The following GLRA3 variants were observed in gnomAD, a reference collection of about 807,000 sequenced individuals.
GLRA3 encodes glycine receptor alpha 3.
A neutral mutation model predicts 60.4 loss-of-function variants in GLRA3; 44 were observed. The observed-to-expected ratio is 0.73, with a 90% CI of 0.57 to 0.94. The LOEUF is 0.94. GLRA3 is among the 40% of genes least tolerant of loss of function. The pLI is 0.00. For missense variants in GLRA3, 508 were observed against 564.6 expected, an observed-to-expected ratio of 0.90 and a Z score of 1.02; for synonymous variants, 223 against 192.9, an observed-to-expected ratio of 1.16 and a Z score of -1.29.
In GLRA3 at chr4:174,642,186, T is replaced by C. The variant is rs1459230334; in HGVS notation, c.*1600A>G. 2.3e-6 allele frequency: 2 copies of C among 853,050 alleles called. No homozygotes were observed. Among genetic ancestry groups the C allele is most frequent in the Non-Finnish European group, 2.8e-6 (2 of 709,256 alleles). 52.8% of individuals were successfully genotyped at this position (853,050 alleles called of 1,614,324 possible). ...AAATGTTATTTTAAAAAATTACAAT[T>C]GTATAAGCTGATGTACAATAACATT... is the stretch of plus-strand genomic sequence containing the variant. On this transcript the variant is annotated 3_prime_UTR_variant, in exon 10 of 10. Coordinates refer to ENST00000274093, the MANE Select transcript of GLRA3 (RefSeq NM_006529.4).
chr4:174,660,653 G>A (rs1733398941), intron 7 of GLRA3, among the ~76,000 whole-genome samples: 1 of 152,204 alleles, frequency 6.6e-6, no homozygotes, highest in East Asian at 1.9e-4. Context: ...TTTAACATTC[G>A]TTGATGATTT....
chr4:174,790,443 T>C (rs894659515), intron 1 of GLRA3, among the ~76,000 whole-genome samples: 1 of 152,162 alleles, frequency 6.6e-6, no homozygotes, highest in Non-Finnish European at 1.5e-5. Context: ...CATCTGGTTT[T>C]AAGTAACTTT....
At chr4:174,824,859 C>T (rs1740899353) in intron 1 of GLRA3, among the ~76,000 whole-genome samples, 1 of 152,108 alleles carries the variant, frequency 6.6e-6, no homozygotes, top group African/African-American at 2.4e-5. Flanking sequence ...GAAAAGGTGA[C>T]ATTTGTTCAA....
At position 174,788,939 on chromosome 4, in the gene GLRA3, C is replaced by T. The variant is rs375428370; in HGVS notation, c.76G>A (p.Val26Ile). The T allele has an allele frequency of 8.9e-6, 14 of 1,574,844 alleles. No individual in the cohort carries two copies. In the Admixed American group the frequency reaches 1.3e-4, roughly 15 times the overall value. ...FWEAALLLSL[V>I]ATKETDSARS... The stretch of plus-strand genomic sequence containing the variant: ...GCACTGTCTGTTTCCTTTGTGGCAA[C>T]CAAACTACAAATAAGAACAAAAATA... Residue 26 changes from valine (V) to isoleucine (I), a missense_variant, in exon 2 of 10, where the codon GTT (valine) becomes ATT (isoleucine). Around this residue, in one of 3 missense-constraint regions of GLRA3, gnomAD observed 329 missense variants for 349.3 expected, o/e 0.94. Coordinates refer to ENST00000274093, the MANE Select transcript of GLRA3 (RefSeq NM_006529.4).
rs140269294 is a variant in GLRA3 at position 174,708,811 on chromosome 4, CT to C, written c.574+6676del. On this transcript the variant is annotated intron_variant, in intron 5 of 9. Transcript: ENST00000274093. ...CCATGATTAAAAAAATCCTTCCTGG[CT>C]TTTTTTTTTCAACTAGCAAATTAAA... is the stretch of plus-strand genomic sequence containing the variant. Among the ~76,000 whole-genome samples the C allele has an allele frequency of 1.4e-3, 182 of 134,810 alleles. 1 individual carries two copies. The highest frequency in any genetic ancestry group is 4.5e-3 in the African/African-American group (165 of 36,698). The allele number at this position is 134,810 out of a possible 152,430, so 88.4% of individuals were successfully genotyped here.
intron 3 of GLRA3, among the ~76,000 whole-genome samples, chr4:174,751,698 G>A (rs929991171): frequency 4.6e-5 from 7 of 151,982 alleles, no homozygotes; most frequent in East Asian, 1.9e-4. Flanking sequence ...TATTACTCTT[G>A]GGCAAGTTTA....
intron 3 of GLRA3, among the ~76,000 whole-genome samples, chr4:174,764,079 G>C (rs1738044425): frequency 6.6e-6 from 1 of 152,110 alleles, no homozygotes; most frequent in Admixed American, 6.6e-5. Flanking sequence ...ATTGGGAAAG[G>C]AGTTTAACAG....
chr4:174,717,144 C>T (rs866070463), intron 4 of GLRA3, among the ~76,000 whole-genome samples: 5 of 145,354 alleles, frequency 3.4e-5, no homozygotes, highest in Middle Eastern at 3.6e-3. Flanking sequence ...CCCAGGAGGT[C>T]GAGACTGCAG....
intron 2 of GLRA3, among the ~76,000 whole-genome samples, chr4:174,782,269 C>T (rs373313202): frequency 6.6e-6 from 1 of 151,348 alleles, no homozygotes; most frequent in African/African-American, 2.4e-5. Context: ...ATTCAACAAC[C>T]CTTCATGCTA....
chr4:174,650,620 C>A (rs1416658750), intron 9 of GLRA3, among the ~76,000 whole-genome samples: 1 of 152,144 alleles, frequency 6.6e-6, no homozygotes, highest in South Asian at 2.1e-4. Flanking sequence ...AAATACCTAC[C>A]CCATCATGGG....
At chr4:174,820,694 G>A (rs954479426) in intron 1 of GLRA3, among the ~76,000 whole-genome samples, 3 of 152,144 alleles carry the variant, frequency 2.0e-5, no homozygotes, top group African/African-American at 7.2e-5. Context: ...CATTTGGGTA[G>A]TCATTTCACT....
chr4:174,788,782 AAC>A (rs1437792179), intron 2 of GLRA3, 32 bp downstream of exon 2: 2 of 1,473,842 alleles, frequency 1.4e-6, no homozygotes, highest in Non-Finnish European at 1.9e-6. Flanking sequence ...GTATATTTAA[AAC>A]ACACATATAA....
Position 174,642,677 on chromosome 4 carries a change from A to T in GLRA3, c.*1109T>A. 1.4e-6 allele frequency: 1 copy of T among 739,744 alleles called. No homozygotes were observed. The highest frequency in any genetic ancestry group is 1.6e-6 in the Non-Finnish European group (1 of 606,096). The allele number at this position is 739,744 out of a possible 1,614,324, so 45.8% of individuals were successfully genotyped here. A position where few individuals can be genotyped will look rare whatever the true frequency, so the allele number is the denominator to read the frequency against. Reference sequence around the variant, plus strand: ...TTTGAAATCATTAATTCAGAAATAGAAAAAGAGTCCTCACTTTATAGAAAT... The same window carrying T: ...TTTGAAATCATTAATTCAGAAATAGTAAAAGAGTCCTCACTTTATAGAAAT... On this transcript the variant is annotated 3_prime_UTR_variant, in exon 10 of 10. Coordinates refer to ENST00000274093, the MANE Select transcript of GLRA3 (RefSeq NM_006529.4).
At chr4:174,782,086 G>A (rs376013838) in intron 2 of GLRA3, among the ~76,000 whole-genome samples, 18 of 146,358 alleles carry the variant, frequency 1.2e-4, no homozygotes, top group South Asian at 1.1e-3. Flanking sequence ...CTGGCAAACC[G>A]AATCCAGCAG....
intron 7 of GLRA3, among the ~76,000 whole-genome samples, chr4:174,665,911 C>T (rs1413219555): frequency 6.6e-6 from 1 of 152,084 alleles, no homozygotes; most frequent in Non-Finnish European, 1.5e-5. Flanking sequence ...GCTCTTCATA[C>T]AGTAGTGTTC....
At chr4:174,672,287 T>C (rs540069675) in intron 7 of GLRA3, among the ~76,000 whole-genome samples, 11 of 152,250 alleles carry the variant, frequency 7.2e-5, no homozygotes, top group African/African-American at 2.6e-4. Flanking sequence ...TTTCTGAACA[T>C]TTACTGACAA....
At chr4:174,726,846 C>A (rs1052639529) in intron 4 of GLRA3, among the ~76,000 whole-genome samples, 2 of 129,730 alleles carry the variant, frequency 1.5e-5, no homozygotes, top group East Asian at 2.7e-4. Flanking sequence ...AGTGGTGGGG[C>A]GGGGTTGGGG....
At chr4:174,800,401 G>A (rs1739760178) in intron 1 of GLRA3, among the ~76,000 whole-genome samples, 1 of 152,012 alleles carries the variant, frequency 6.6e-6, no homozygotes, top group South Asian at 2.1e-4. Context: ...ATTCAGGAAA[G>A]TGAGGTTTTG....
chr4:174,802,611 A>G (rs755661297), intron 1 of GLRA3, among the ~76,000 whole-genome samples: 1 of 152,022 alleles, frequency 6.6e-6, no homozygotes, highest in African/African-American at 2.4e-5. Context: ...TCACCCAAAT[A>G]AAGACTTTCT....
Sources: gnomAD v4.1 joint callset for allele counts (sites outside exome capture counted in the v4.1 genomes callset) on GRCh38, gnomAD v4.1.1 for gene constraint, gnomAD v4.1.1 regional missense constraint, MANE v1.5 for transcripts, NCBI Gene and HGNC (gene_info 2026-07-23, HGNC 2026-07-21) for gene names.